ITGA9: variants seen among roughly 807,000 people sequenced by gnomAD.
ITGA9 encodes integrin subunit alpha 9, also known as integrin alpha-9.
A neutral mutation model predicts 127.8 loss-of-function variants in ITGA9; 56 were observed. The observed-to-expected ratio is 0.44, with a 90% CI of 0.35 to 0.55. The LOEUF (loss-of-function observed/expected upper bound fraction) is 0.55, where lower values mean the gene tolerates loss of function less well. ITGA9 is among the 20% of genes least tolerant of loss of function. ITGA9 has a pLI of 0.00. For missense variants in ITGA9, 1,196 were observed against 1,347.1 expected (o/e 0.89, Z 1.76); for synonymous variants, 508 against 514.5 (o/e 0.99, Z 0.17).
intron 26 of ITGA9, among the ~76,000 whole-genome samples, chr3:37,792,805 A>G (rs1697127517): frequency 6.6e-6 from 1 of 152,190 alleles, no homozygotes; most frequent in African/African-American, 2.4e-5. Flanking sequence ...ACCTGGCAAG[A>G]GGTCAGGGTG....
rs536105746 is a variant in ITGA9, at chr3:37,593,227, A to C, written c.1690-35960A>C. On this transcript the variant is annotated intron_variant, in intron 15 of 27. Coordinates refer to ENST00000264741, the MANE Select transcript of ITGA9 (RefSeq NM_002207.3). ...TATATCCTCCTGTATACTTTAAATT[A>C]TCTCTAGATTACTTGTAATACCTAC... 1.7e-4 allele frequency among the ~76,000 whole-genome samples: 26 copies of C among 152,318 alleles called. 1 individual carries two copies. Among genetic ancestry groups the C allele is most frequent in the Non-Finnish European group, 2.9e-4 (20 of 68,038 alleles).
At chr3:37,759,076 C>CA (rs1696691856) in intron 23 of ITGA9, among the ~76,000 whole-genome samples, 2 of 131,942 alleles carry the variant, frequency 1.5e-5, no homozygotes, top group African/African-American at 3.2e-5. Context: ...TATATATATA[C>CA]CCACACACAC....
intron 17 of ITGA9, among the ~76,000 whole-genome samples, chr3:37,675,134 C>T (rs1358905275): frequency 1.3e-5 from 2 of 152,152 alleles, no homozygotes; most frequent in African/African-American, 2.4e-5. Flanking sequence ...TATCTCTTTG[C>T]CTTTTCTGCC....
At chr3:37,731,373 G>A (rs1036113169) in intron 18 of ITGA9, among the ~76,000 whole-genome samples, 12 of 152,174 alleles carry the variant, frequency 7.9e-5, no homozygotes, top group Admixed American at 2.0e-4. Context: ...TAACGCTGGC[G>A]ATCCTGGGTC....
rs532684194 is a variant in ITGA9, at chr3:37,816,822, T to G, written c.3010-2069T>G. 3.3e-5 allele frequency among the ~76,000 whole-genome samples: 5 copies of G among 152,318 alleles called. No homozygotes were observed. In the South Asian group the frequency reaches 1.0e-3, roughly 32 times the overall value. ...TGTTTACAAAACTGGCCTTGAGGAT[T>G]GAAGCTCAGAACACAAGACTCTTGC... On this transcript the variant is annotated intron_variant, in intron 27 of 27. Coordinates refer to ENST00000264741, the MANE Select transcript of ITGA9 (RefSeq NM_002207.3).
chr3:37,506,545 T>C (rs155528), intron 7 of ITGA9, among the ~76,000 whole-genome samples: 21,954 of 152,180 alleles, frequency 0.14, 2,099 homozygotes, highest in Admixed American at 0.29. Context: ...AGAAGGAACA[T>C]TGGGTTCCCA....
In ITGA9 at chr3:37,513,814, G is replaced by A. The variant is rs764240180; in HGVS notation, c.949G>A (p.Gly317Ser). The A allele has an allele frequency of 8.7e-6, 14 of 1,613,812 alleles. No individual in the cohort carries two copies. The highest frequency in any genetic ancestry group is 2.7e-5 in the African/African-American group (2 of 74,886). ...GTGCGCAGTTGACCTGAATGGGGAC[G>A]GCCTCTCTGACCTGCTGGTGGGGGC... Reference protein sequence around the residue: ...SLCAVDLNGDGLSDLLVGAPM... With the variant: ...SLCAVDLNGDSLSDLLVGAPM... The change falls in exon 9 of 28, where the codon GGC (glycine) becomes AGC (serine). Residue 317 changes from glycine (G) to serine (S), a missense_variant. Transcript: ENST00000264741.
chr3:37,494,460 A>C, intron 4 of ITGA9, 41 bp from the exon 5 acceptor site: 1 of 1,426,052 alleles, frequency 7.0e-7, no homozygotes, highest in Non-Finnish European at 9.9e-7. Context: ...GCATACACTG[A>C]CATGGCTGTG....
chr3:37,663,358 C>T (rs948431241), intron 17 of ITGA9, among the ~76,000 whole-genome samples: 4 of 152,092 alleles, frequency 2.6e-5, no homozygotes, highest in African/African-American at 7.2e-5. Flanking sequence ...TAGCCAACTC[C>T]GATAAAATAA....
rs1698994498 is a variant in ITGA9, at chr3:37,517,427, G to GT, written c.1036-71dup. 4 of 1,187,726 alleles carry GT rather than the reference G, an allele frequency of 3.4e-6. No homozygotes were observed. In the South Asian group the frequency reaches 5.2e-5, roughly 16 times the overall value. The allele number at this position is 1,187,726 out of a possible 1,614,324, so 73.6% of individuals were successfully genotyped here. ...CTAGCAGGGCAGCATTCAAACTCTG[G>GT]TTTTTTATTGATTTTTATTGTTTGT... On this transcript the variant is annotated intron_variant, in intron 9 of 27. Coordinates refer to ENST00000264741, the MANE Select transcript of ITGA9 (RefSeq NM_002207.3).
At chr3:37,483,606 A>C (rs369733997) in intron 4 of ITGA9, among the ~76,000 whole-genome samples, 15 of 152,318 alleles carry the variant, frequency 9.8e-5, no homozygotes, top group African/African-American at 3.6e-4. Context: ...TGTGGAGCAC[A>C]CATCTAGAGT....
rs72857282 is a variant in ITGA9 at position 37,666,559 on chromosome 3, A to G, written c.1916+12769A>G. Among the ~76,000 whole-genome samples the G allele has an allele frequency of 6.3e-3, 955 of 152,254 alleles. 15 individuals are homozygous for G. Among genetic ancestry groups the G allele is most frequent in the African/African-American group, 0.022 (896 of 41,538 alleles). On this transcript the variant is annotated intron_variant, in intron 17 of 27. Transcript: ENST00000264741. ...TTGTGGTTCGCTGGCGTTCCTCCGC[A>G]TGGTCTCTCCTCCTCCAGCAGGCTA...
intron 15 of ITGA9, among the ~76,000 whole-genome samples, chr3:37,581,232 G>A (rs896911646): frequency 6.6e-6 from 1 of 152,190 alleles, no homozygotes; most frequent in Non-Finnish European, 1.5e-5. Context: ...TGGACAAGAC[G>A]GCTGGACTAG....
chr3:37,518,705 G>A (rs1372599623), intron 10 of ITGA9, among the ~76,000 whole-genome samples: 3 of 149,842 alleles, frequency 2.0e-5, no homozygotes, highest in African/African-American at 7.4e-5. Flanking sequence ...TTTTTCTTAC[G>A]AGCATAAGGT....
At chr3:37,779,606 T>C (rs1696950696) in intron 24 of ITGA9, among the ~76,000 whole-genome samples, 1 of 151,654 alleles carries the variant, frequency 6.6e-6, no homozygotes, top group Non-Finnish European at 1.5e-5. Context: ...AGTTTGTGGG[T>C]TTAAAAAAAA....
chr3:37,469,742 T>C (rs561352257), intron 1 of ITGA9, among the ~76,000 whole-genome samples: 1 of 152,344 alleles, frequency 6.6e-6, no homozygotes, highest in African/African-American at 2.4e-5. Context: ...TTCATCTCTG[T>C]GGTTGCAGTT....
intron 18 of ITGA9, among the ~76,000 whole-genome samples, chr3:37,715,626 A>G (rs983317529): frequency 6.6e-5 from 10 of 152,224 alleles, no homozygotes; most frequent in Non-Finnish European, 1.3e-4. Flanking sequence ...ATTAAAATCA[A>G]TATGTAGTCA....
intron 17 of ITGA9, among the ~76,000 whole-genome samples, chr3:37,670,915 A>G (rs1700631345): frequency 6.6e-6 from 1 of 152,250 alleles, no homozygotes; most frequent in South Asian, 2.1e-4. Context: ...AGGGACTATG[A>G]TGGCCCTGCT....
intron 6 of ITGA9, among the ~76,000 whole-genome samples, chr3:37,505,592 T>G (rs1698831940): frequency 6.6e-6 from 1 of 152,142 alleles, no homozygotes; most frequent in Admixed American, 6.5e-5. Context: ...GGGAACCCTC[T>G]GGGGTTATGG....
Sources: allele counts gnomAD v4.1 joint callset (sites outside exome capture counted in the v4.1 genomes callset), GRCh38; gene constraint gnomAD v4.1.1; transcripts MANE v1.5; gene names NCBI Gene and HGNC (gene_info 2026-07-23, HGNC 2026-07-21).